Variants in MAPK10 observed in about 807,000 individuals in gnomAD.
MAPK10 encodes the protein JNK3 alpha protein kinase.
A neutral mutation model predicts 59.3 loss-of-function variants in MAPK10; 25 were observed. The ratio of observed to expected loss-of-function variants is 0.42; its 90% confidence interval spans 0.31 to 0.59. The LOEUF (loss-of-function observed/expected upper bound fraction) is 0.59. MAPK10 is among the 20% of genes least tolerant of loss of function. The pLI is 0.15. For missense variants in MAPK10, 351 were observed against 568.9 expected (o/e 0.62, Z 3.90); for synonymous variants, 190 against 200.5 (o/e 0.95, Z 0.44).
chr4:86,187,206 C>A (rs1367066283), intron 3 of MAPK10, among the ~76,000 whole-genome samples: 1 of 151,942 alleles, frequency 6.6e-6, no homozygotes, highest in Non-Finnish European at 1.5e-5. Flanking sequence ...TACATATATA[C>A]CTATGATAAA....
At chr4:86,072,125 T>C (rs2048152578) in intron 9 of MAPK10, among the ~76,000 whole-genome samples, 1 of 150,768 alleles carries the variant, frequency 6.6e-6, no homozygotes, top group South Asian at 2.1e-4. Context: ...GTAAGTTGGA[T>C]TCCTAGGTCT....
chr4:86,338,520 G>A (rs1722932021), intron 2 of MAPK10, among the ~76,000 whole-genome samples: 1 of 152,096 alleles, frequency 6.6e-6, no homozygotes, highest in African/African-American at 2.4e-5. Flanking sequence ...GCTCTTGTGG[G>A]GATTCCCATG....
chr4:86,276,013 T>C (rs1237265794), intron 2 of MAPK10, among the ~76,000 whole-genome samples: 1 of 152,120 alleles, frequency 6.6e-6, no homozygotes, highest in Non-Finnish European at 1.5e-5. Context: ...CCACAAGTTG[T>C]TTAATAAGTA....
At chr4:86,535,754 C>A (rs1317152895) in intron 1 of MAPK10, among the ~76,000 whole-genome samples, 1 of 152,140 alleles carries the variant, frequency 6.6e-6, no homozygotes, top group Non-Finnish European at 1.5e-5. Context: ...GTAAAACAAT[C>A]CTCAAAGGGA....
At chr4:86,477,899 C>T (rs988314964) in intron 1 of MAPK10, among the ~76,000 whole-genome samples, 3 of 152,188 alleles carry the variant, frequency 2.0e-5, no homozygotes, top group Non-Finnish European at 2.9e-5. Flanking sequence ...TTCACTTGGA[C>T]TGACCCTGAC....
chr4:86,145,361 C>CAA (rs1166418131), intron 4 of MAPK10, among the ~76,000 whole-genome samples: 2,416 of 54,942 alleles, frequency 0.044, 191 homozygotes, highest in Middle Eastern at 0.093. Flanking sequence ...GACACCGTCT[C>CAA]AAAAAAAAAA....
upstream of MAPK10, among the ~76,000 whole-genome samples, chr4:86,363,848 T>A (rs1460340084): frequency 2.0e-5 from 3 of 151,978 alleles, no homozygotes; most frequent in Admixed American, 6.6e-5. Context: ...AGTGGTGCAA[T>A]CACAGCTCAC....
intron 2 of MAPK10, among the ~76,000 whole-genome samples, chr4:86,214,521 A>AC (rs2086830239): frequency 1.3e-5 from 2 of 149,302 alleles, no homozygotes; most frequent in African/African-American, 5.0e-5. Context: ...TAAAAAAAAA[A>AC]AAAAAAAAAA....
At chr4:86,225,085 G>A (rs2090378602) in intron 2 of MAPK10, among the ~76,000 whole-genome samples, 1 of 152,112 alleles carries the variant, frequency 6.6e-6, no homozygotes, top group Non-Finnish European at 1.5e-5. Context: ...AATCCAAATA[G>A]GTCAATATAT....
chr4:86,145,255 G>A lies in MAPK10; in HGVS notation c.236+14043C>T, dbSNP rs1217944704. Among the ~76,000 whole-genome samples, 3 of 139,510 alleles carry A rather than the reference G, an allele frequency of 2.2e-5. 1 individual carries two copies. Among genetic ancestry groups the A allele is most frequent in the Non-Finnish European group, 4.6e-5 (3 of 65,332 alleles). The allele number at this position is 139,510 out of a possible 152,430, so 91.5% of individuals were successfully genotyped here. ...CGCGCGCCTGTAGTCCCAGCTACAC[G>A]GGAGGCTGAGGCAGGAGAATGGCGT... is the stretch of plus-strand genomic sequence containing the variant. On this transcript the variant is annotated intron_variant, in intron 4 of 13. Transcript: ENST00000641462.
intron 1 of MAPK10, among the ~76,000 whole-genome samples, chr4:86,449,455 A>G (rs571819451): frequency 6.6e-6 from 1 of 152,344 alleles, no homozygotes; most frequent in East Asian, 1.9e-4. Context: ...TGTTTCAATA[A>G]TATATTTCTT....
chr4:86,106,158 T>G (rs1047732735), intron 5 of MAPK10, among the ~76,000 whole-genome samples: 15 of 152,106 alleles, frequency 9.9e-5, no homozygotes, highest in African/African-American at 3.4e-4. Flanking sequence ...AGAGAAATAC[T>G]GTCATGGGGC....
intron 5 of MAPK10, among the ~76,000 whole-genome samples, chr4:86,106,201 T>C (rs958948685): frequency 6.6e-6 from 1 of 152,164 alleles, no homozygotes; most frequent in African/African-American, 2.4e-5. Flanking sequence ...CAAATATCTT[T>C]CAACTTAATA....
chr4:86,258,813 G>A (rs1047066399), intron 2 of MAPK10, among the ~76,000 whole-genome samples: 1 of 152,090 alleles, frequency 6.6e-6, no homozygotes. Flanking sequence ...GCTTCTTGGT[G>A]AGACTTACCT....
chr4:86,491,333 T>C (rs896080040), intron 1 of MAPK10, among the ~76,000 whole-genome samples: 7 of 152,200 alleles, frequency 4.6e-5, no homozygotes, highest in African/African-American at 1.7e-4. Context: ...CATCACATGG[T>C]TGATGGTACC....
At chr4:86,363,398 G>A (rs952858316), upstream of MAPK10, among the ~76,000 whole-genome samples, 1 of 152,114 alleles carries the variant, frequency 6.6e-6, no homozygotes. Flanking sequence ...TTGCCTAATA[G>A]AATATTACTC....
chr4:86,463,305 A>C (rs1267211380), intron 1 of MAPK10, among the ~76,000 whole-genome samples: 1 of 152,214 alleles, frequency 6.6e-6, no homozygotes, highest in Non-Finnish European at 1.5e-5. Flanking sequence ...AATGGTTTGC[A>C]TTTACAATTC....
intron 2 of MAPK10, among the ~76,000 whole-genome samples, chr4:86,200,869 C>T (rs1374828417): frequency 6.6e-6 from 1 of 151,716 alleles, no homozygotes; most frequent in Non-Finnish European, 1.5e-5. Context: ...ATTCTAATTC[C>T]ACTCTTTTAG....
chr4:86,170,267 A>T, intron 3 of MAPK10, among the ~76,000 whole-genome samples: 1 of 152,242 alleles, frequency 6.6e-6, no homozygotes, highest in East Asian at 1.9e-4. Flanking sequence ...CAGACTGGCA[A>T]ATTGGATAAA....
Sources: gnomAD v4.1 joint callset for allele counts (sites outside exome capture counted in the v4.1 genomes callset) on GRCh38, gnomAD v4.1.1 for gene constraint, MANE v1.5 for transcripts, NCBI Gene and HGNC (gene_info 2026-07-23, HGNC 2026-07-21) for gene names.